Variants in NUP107 observed in about 807,000 individuals in gnomAD.
The protein encoded by NUP107 is nucleoporin 107, also known as nuclear pore complex protein Nup107.
In NUP107, 101 loss-of-function variants were observed where a neutral mutation model predicts 141.0. The observed-to-expected ratio is 0.72, with a 90% confidence interval of 0.61 to 0.84. The LOEUF (loss-of-function observed/expected upper bound fraction) is 0.84, where lower values mean the gene tolerates loss of function less well. Ranked by LOEUF, NUP107 falls within the 40% of genes least tolerant of loss-of-function variation. The probability of loss-of-function intolerance (pLI) is 0.00; values close to 1 mark genes in which losing one functional copy is unlikely to be tolerated. For synonymous variants in NUP107, 319 were observed against 363.9 expected, an observed-to-expected ratio of 0.88 and a Z score of 1.41; for missense variants, 941 against 1,102.7, an observed-to-expected ratio of 0.85 and a Z score of 2.08.
At chr12:68,739,749 A>G (rs1011749995) in intron 26 of NUP107, 8 of 152,346 alleles carry the variant, frequency 5.3e-5, no homozygotes, top group African/African-American at 1.9e-4. Flanking sequence ...AGGCAGGAGA[A>G]TCGCGTGAAC....
At chr12:68,738,294 C>A (rs1473417339) in intron 26 of NUP107, among the ~76,000 whole-genome samples, 1 of 150,180 alleles carries the variant, frequency 6.7e-6, no homozygotes, top group Non-Finnish European at 1.5e-5. Flanking sequence ...AATAAAAATA[C>A]AAAAAATTAG....
At chr12:68,731,080 G>T in intron 20 of NUP107, 30 bp from the exon 21 acceptor site, 1 of 1,442,656 alleles carries the variant, frequency 6.9e-7, no homozygotes. Flanking sequence ...TTTTATTATT[G>T]ACATACTTTG....
intron 20 of NUP107, among the ~76,000 whole-genome samples, chr12:68,729,780 ATTTG>A (rs1877733967): frequency 6.9e-6 from 1 of 145,808 alleles, no homozygotes; most frequent in Non-Finnish European, 1.5e-5. Flanking sequence ...TAGGCTATTA[ATTTG>A]TTTGTGAGTC....
Position 68,726,230 on chromosome 12 carries a change from C to T in NUP107, c.1577-269C>T, listed in dbSNP as rs118141874. On this transcript the variant is annotated intron_variant, in intron 18 of 27. Transcript: ENST00000229179. ...TATCCAAACAATGCATGTGACTTAC[C>T]ATATCTTTTAATCTTGATAAATATT... Among the ~76,000 whole-genome samples, 556 of 152,170 alleles carry T rather than the reference C, an allele frequency of 3.7e-3. 1 individual carries two copies. Among genetic ancestry groups the T allele is most frequent in the Non-Finnish European group, 6.2e-3 (424 of 68,008 alleles).
intron 5 of NUP107, among the ~76,000 whole-genome samples, chr12:68,694,841 C>T (rs560544110): frequency 3.9e-5 from 6 of 152,228 alleles, no homozygotes; most frequent in South Asian, 2.1e-4. Context: ...GCAGAGGTTG[C>T]GGTGAGCTGA....
At chr12:68,716,205 T>C (rs1279868365) in intron 12 of NUP107, among the ~76,000 whole-genome samples, 2 of 149,284 alleles carry the variant, frequency 1.3e-5, no homozygotes, top group Non-Finnish European at 3.0e-5. Flanking sequence ...TCTCCATTCA[T>C]TTTTTTTTCC....
At chr12:68,730,214 C>CTTTTTTGTTTTTT (rs1877759463) in intron 20 of NUP107, among the ~76,000 whole-genome samples, 1 of 85,374 alleles carries the variant, frequency 1.2e-5, no homozygotes, top group African/African-American at 4.3e-5. Context: ...GTGATACTAC[C>CTTTTTTGTTTTTT]TTTTTTTTTT....
At chr12:68,729,724 TG>T (rs1409223649) in intron 20 of NUP107, among the ~76,000 whole-genome samples, 6 of 151,824 alleles carry the variant, frequency 4.0e-5, no homozygotes, top group Non-Finnish European at 7.4e-5. Flanking sequence ...ATTACAGGTG[TG>T]AGCCACTGGC....
At chr12:68,717,922 A>C (rs1356173997) in intron 12 of NUP107, among the ~76,000 whole-genome samples, 1 of 152,192 alleles carries the variant, frequency 6.6e-6, no homozygotes, top group Non-Finnish European at 1.5e-5. Context: ...GATATTCTTT[A>C]ACTAGTTGTA....
chr12:68,722,284 G>A, intron 17 of NUP107, 132 bp downstream of exon 17: 1 of 677,094 alleles, frequency 1.5e-6, no homozygotes, highest in Non-Finnish European at 2.3e-6. Context: ...ATCATTCTTT[G>A]AAACGAAGAA....
chr12:68,728,386 G>C (rs573622507), intron 20 of NUP107, among the ~76,000 whole-genome samples: 1 of 147,946 alleles, frequency 6.8e-6, no homozygotes, highest in African/African-American at 2.5e-5. Flanking sequence ...GAGCCCAGGA[G>C]TTCAAGACTA....
intron 26 of NUP107, among the ~76,000 whole-genome samples, chr12:68,740,873 TA>T (rs1375054308): frequency 3.8e-4 from 57 of 151,882 alleles, no homozygotes; most frequent in African/African-American, 1.3e-3. Context: ...ATAATAAAAT[TA>T]TTTTTTTTTT....
Position 68,741,951 on chromosome 12 carries a change from G to A in NUP107, c.2641G>A (p.Val881Ile). Residue 881 changes from valine (V) to isoleucine (I), a missense_variant, in exon 27 of 28, where the codon GTA (valine) becomes ATA (isoleucine). Coordinates refer to ENST00000229179, the MANE Select transcript of NUP107 (RefSeq NM_020401.4). ...YQECLQLADMVSSERHKLYLV... is the reference protein window; with the variant it reads ...YQECLQLADMISSERHKLYLV... ...GGAATGCCTACAGTTAGCAGATATG[G>A]TATCCTCTGAGCGCCACAAACTGTA... The A allele has an allele frequency of 6.2e-7, 1 of 1,611,386 alleles. No homozygotes were observed. Among genetic ancestry groups the A allele is most frequent in the Non-Finnish European group, 8.5e-7 (1 of 1,178,544 alleles).
At chr12:68,728,430 T>C (rs1467886756) in intron 20 of NUP107, among the ~76,000 whole-genome samples, 4 of 147,780 alleles carry the variant, frequency 2.7e-5, no homozygotes, top group Non-Finnish European at 4.5e-5. Flanking sequence ...TCTTTTTTTT[T>C]TTTTTTTTTT....
chr12:68,719,463 G>A, intron 13 of NUP107, 32 bp downstream of exon 13: 1 of 1,592,070 alleles, frequency 6.3e-7, no homozygotes, highest in Non-Finnish European at 8.6e-7. Context: ...TGACAGTTGA[G>A]GACAAAGGCA....
rs561166398 is a variant in NUP107 at position 68,731,732 on chromosome 12, G to C, written c.1998+13G>C. 26 of 1,380,000 alleles carry C rather than the reference G, an allele frequency of 1.9e-5. No individual in the cohort carries two copies. Among genetic ancestry groups the C allele is most frequent in the South Asian group, 1.9e-4 (14 of 75,084 alleles). The allele number at this position is 1,380,000 out of a possible 1,614,324, so 85.5% of individuals were successfully genotyped here. On this transcript the variant is annotated intron_variant, in intron 22 of 27. Coordinates refer to ENST00000229179, the MANE Select transcript of NUP107 (RefSeq NM_020401.4). ...TGGCACTACTGAGGTAATTTGGGATGGGGGGGCAGAGGTTTCTATAACTTC... is the reference window on the plus strand; with the variant it reads ...TGGCACTACTGAGGTAATTTGGGATCGGGGGGCAGAGGTTTCTATAACTTC...
chr12:68,695,813 C>T (rs1649838829), intron 5 of NUP107, among the ~76,000 whole-genome samples: 1 of 151,954 alleles, frequency 6.6e-6, no homozygotes, highest in Non-Finnish European at 1.5e-5. Flanking sequence ...GATGCTGAGA[C>T]AGGAGTTAGC....
Position 68,731,194 on chromosome 12 carries a change from T to C in NUP107, c.1819T>C (p.Leu607=), listed in dbSNP as rs1279762980. The change falls in exon 21 of 28, where the codon TTA becomes CTA. Residue 607 remains leucine, a synonymous_variant. Transcript: ENST00000229179. ...PQDLAVAQYA[L]FLESVTEFEQ... The stretch of plus-strand genomic sequence containing the variant: ...AGACCTAGCTGTTGCCCAGTATGCA[T>C]TATTTTTGGAAAGTGTTACAGAATT... 3 of 1,612,552 alleles carry C rather than the reference T, an allele frequency of 1.9e-6. No individual in the cohort carries two copies. Among genetic ancestry groups the C allele is most frequent in the Non-Finnish European group, 2.5e-6 (3 of 1,179,284 alleles).
At chr12:68,731,818 G>C in intron 22 of NUP107, 99 bp downstream of exon 22, 1 of 679,362 alleles carries the variant, frequency 1.5e-6, no homozygotes, top group South Asian at 2.1e-5. Context: ...GTTCTATTAG[G>C]TTTTCTTTTT....
Sources: allele counts gnomAD v4.1 joint callset (sites outside exome capture counted in the v4.1 genomes callset), GRCh38; gene constraint gnomAD v4.1.1; transcripts MANE v1.5; gene names NCBI Gene and HGNC (gene_info 2026-07-23, HGNC 2026-07-21).